Variants in CACNA1S observed in about 807,000 individuals in gnomAD.
CACNA1S encodes the protein calcium voltage-gated channel subunit alpha1 S.
CACNA1S carries 126 observed loss-of-function variants against 207.4 expected under a neutral mutation model. The observed-to-expected ratio is 0.61, with a 90% CI of 0.53 to 0.70. The LOEUF (loss-of-function observed/expected upper bound fraction) is 0.70. Ranked by LOEUF, CACNA1S falls within the 30% of genes least tolerant of loss-of-function variation. The pLI is 0.00. For synonymous variants in CACNA1S, 960 were observed against 932.7 expected (o/e 1.03, Z -0.53); for missense variants, 2,349 against 2,422.8 (o/e 0.97, Z 0.64).
At position 201,060,684 on chromosome 1, in the gene CACNA1S, G is replaced by A. The variant is rs1294399975; in HGVS notation, c.3388C>T (p.Leu1130Phe). 6.2e-7 allele frequency: 1 copy of A among 1,614,122 alleles called. No homozygotes were observed. The highest frequency in any genetic ancestry group is 8.5e-7 in the Non-Finnish European group (1 of 1,180,056). The part of the protein sequence containing the change: ...FEYLMFALIM[L>F]NTICLGMQHY... ...TGCATGCCGAGGCAGATGGTGTTGAGCATGATGAGGGCAAACATCAGGTAT... is the reference window on the plus strand; with the variant it reads ...TGCATGCCGAGGCAGATGGTGTTGAACATGATGAGGGCAAACATCAGGTAT... Residue 1130 changes from leucine (L) to phenylalanine (F), a missense_variant, in exon 26 of 44, where the codon CTC becomes TTC. Transcript: ENST00000362061.
In CACNA1S at chr1:201,085,442, T is replaced by C; in HGVS notation, c.1144A>G (p.Arg382Gly). The C allele has an allele frequency of 6.2e-7, 1 of 1,613,542 alleles. No homozygotes were observed. The change falls in exon 8 of 44, where the codon AGA (arginine) becomes GGA (glycine). Residue 382 changes from arginine (R) to glycine (G), a missense_variant. Coordinates refer to ENST00000362061, the MANE Select transcript of CACNA1S (RefSeq NM_000069.3). ...ACAGCCTTTGGGCCCAAACCTTCTCTGAAGTCCTCAACATCCATGACCTCG... is the reference window on the plus strand; with the variant it reads ...ACAGCCTTTGGGCCCAAACCTTCTCCGAAGTCCTCAACATCCATGACCTCG... The part of the protein sequence containing the change: ...QGEVMDVEDF[R>G]EGKLSLDEGG...
chr1:201,094,008 T>C lies in CACNA1S; in HGVS notation c.272A>G (p.Tyr91Cys). 6.2e-7 allele frequency: 1 copy of C among 1,614,132 alleles called. No individual in the cohort carries two copies. The highest frequency in any genetic ancestry group is 8.5e-7 in the Non-Finnish European group (1 of 1,180,008). ...AATCGAGAAGACAATGAGGAAGAAATACTCCAGCTTCTCCTGTGGGAGCAA... is the reference window on the plus strand; with the variant it reads ...AATCGAGAAGACAATGAGGAAGAAACACTCCAGCTTCTCCTGTGGGAGCAA... ...SLNLGLEKLE[Y>C]FFLIVFSIEA... Residue 91 changes from tyrosine to cysteine, a missense_variant, in exon 3 of 44, where the codon TAT becomes TGT. Physicochemically the swap from Tyr to Cys is radical, Grantham distance 194. Coordinates refer to ENST00000362061, the MANE Select transcript of CACNA1S (RefSeq NM_000069.3).
chr1:201,074,413 G>T, intron 14 of CACNA1S, 93 bp downstream of exon 14: 1 of 789,018 alleles, frequency 1.3e-6, no homozygotes. Context: ...CAGGGACCCT[G>T]ATCATTGGGT....
In CACNA1S at chr1:201,043,393, C is replaced by T; in HGVS notation, c.4936G>A (p.Asp1646Asn). The T allele has an allele frequency of 6.2e-7, 1 of 1,614,110 alleles. No homozygotes were observed. The highest frequency in any genetic ancestry group is 8.5e-7 in the Non-Finnish European group (1 of 1,180,036). The part of the protein sequence containing the change: ...EEMESPVFLE[D>N]FPQDPRTNPL... ...TTGGTGCGTGGATCTTGTGGGAAGT[C>T]CTCCAAGAAGACAGGTGACTCCATC... Residue 1646 changes from aspartate (D) to asparagine (N), a missense_variant, in exon 40 of 44, where the codon GAC becomes AAC. Transcript: ENST00000362061.
intron 5 of CACNA1S, 52 bp from the exon 6 acceptor site, chr1:201,089,515 G>A (rs377052421): frequency 3.8e-4 from 587 of 1,558,532 alleles, no homozygotes; most frequent in Non-Finnish European, 4.4e-4. Flanking sequence ...GGTGGACAAC[G>A]ACAGGAGGAA....
In CACNA1S at chr1:201,072,534, T is replaced by C. The variant is rs16847659; in HGVS notation, c.2227+221A>G. Among the ~76,000 whole-genome samples, 9,954 of 152,218 alleles carry C rather than the reference T, an allele frequency of 0.065. 1,008 individuals are homozygous for C. Among genetic ancestry groups the C allele is most frequent in the African/African-American group, 0.22 (9,212 of 41,484 alleles). ...CTCAATAAATACTTGCTGAGTTACA[T>C]GAAAGTAAAATGTATGGGTTTTTCT... is the stretch of plus-strand genomic sequence containing the variant. On this transcript the variant is annotated intron_variant, in intron 16 of 43. Coordinates refer to ENST00000362061, the MANE Select transcript of CACNA1S (RefSeq NM_000069.3).
At chr1:201,055,772 C>T (rs1046709697) in intron 28 of CACNA1S, among the ~76,000 whole-genome samples, 11 of 152,194 alleles carry the variant, frequency 7.2e-5, no homozygotes, top group South Asian at 2.1e-4. Flanking sequence ...TAAGCAAACA[C>T]TACTGGTAAG....
At chr1:201,049,128 C>A (rs1352223170) in intron 34 of CACNA1S, 29 bp from the exon 35 acceptor site, 9 of 1,500,732 alleles carry the variant, frequency 6.0e-6, no homozygotes, top group East Asian at 2.3e-5. Context: ...ACTTGTGTAC[C>A]TGCTACCCTC....
rs74548790 is a variant in CACNA1S, at chr1:201,106,077, C to A, written c.258+4087G>T. Among the ~76,000 whole-genome samples the A allele has an allele frequency of 6.4e-3, 977 of 152,252 alleles. 11 individuals carry two copies. Among genetic ancestry groups the A allele is most frequent in the African/African-American group, 0.018 (739 of 41,534 alleles). On this transcript the variant is annotated intron_variant, in intron 2 of 43. Coordinates refer to ENST00000362061, the MANE Select transcript of CACNA1S (RefSeq NM_000069.3). ...AACTCACCACCTTCCTCCTCCCTAC[C>A]CCCATCTGCAGTCTTGGTAAGTGAT...
rs376299130 is a variant in CACNA1S, at chr1:201,065,832, G to A, written c.2853+6C>T. 58 of 1,607,164 alleles carry A rather than the reference G, an allele frequency of 3.6e-5. No homozygotes were observed. Among genetic ancestry groups the A allele is most frequent in the Non-Finnish European group, 4.6e-5 (54 of 1,173,772 alleles). On this transcript the variant is annotated splice_donor_region_variant and intron_variant, in intron 22 of 43. Coordinates refer to ENST00000362061, the MANE Select transcript of CACNA1S (RefSeq NM_000069.3). ...GGGGGAGCTGCTCGCGCAGGCTGGG[G>A]CTCACCTTGAAGAGCTGGACGCCGA...
chr1:201,089,610 C>A, intron 5 of CACNA1S, 147 bp from the exon 6 acceptor site: 2 of 780,130 alleles, frequency 2.6e-6, no homozygotes, highest in Non-Finnish European at 2.2e-6. Flanking sequence ...TCACATGGAG[C>A]AGACGGTGAC....
At chr1:201,069,315 C>A in intron 18 of CACNA1S, 119 bp from the exon 19 acceptor site, 2 of 1,419,170 alleles carry the variant, frequency 1.4e-6, no homozygotes, top group South Asian at 2.4e-5. Context: ...CTGTGCCGTT[C>A]AGAAGGAGTG....
chr1:201,066,803 A>C lies in CACNA1S; in HGVS notation c.2657+84T>G. The stretch of plus-strand genomic sequence containing the variant: ...CCTCCTCTTGTGGCAGGGGCCCACC[A>C]ACATGGGTGGGACTCCCACTACAAA... On this transcript the variant is annotated intron_variant, in intron 20 of 43. Transcript: ENST00000362061. This position sits in a 1 kb window ranked among gnomAD's most constrained non-coding sequence, Gnocchi z 4.3. The C allele has an allele frequency of 2.0e-6, 2 of 1,014,842 alleles. No homozygotes were observed. Among genetic ancestry groups the C allele is most frequent in the South Asian group, 1.4e-5 (1 of 73,924 alleles). 62.9% of individuals were successfully genotyped at this position (1,014,842 alleles called of 1,614,324 possible). A position where few individuals can be genotyped will look rare whatever the true frequency, so the allele number is the denominator to read the frequency against.
chr1:201,056,857 C>T (rs950783576), intron 28 of CACNA1S, among the ~76,000 whole-genome samples: 2 of 152,168 alleles, frequency 1.3e-5, no homozygotes, highest in Non-Finnish European at 2.9e-5. Context: ...ACCTCCAAAC[C>T]CTCATCCCCT....
chr1:201,075,745 T>G, intron 12 of CACNA1S, 130 bp from the exon 13 acceptor site: 1 of 1,061,628 alleles, frequency 9.4e-7, no homozygotes, highest in Non-Finnish European at 1.4e-6. Flanking sequence ...CATTCCACAG[T>G]CTGGGTGGCC....
At chr1:201,109,512 T>C (rs1374066166) in intron 2 of CACNA1S, among the ~76,000 whole-genome samples, 1 of 152,210 alleles carries the variant, frequency 6.6e-6, no homozygotes, top group Non-Finnish European at 1.5e-5. Flanking sequence ...TAATTAGCTA[T>C]TGAGTAAGTA....
At position 201,047,250 on chromosome 1, in the gene CACNA1S, G is replaced by A. The variant is rs751759184; in HGVS notation, c.4544-11C>T. The A allele has an allele frequency of 4.3e-6, 7 of 1,614,106 alleles. No individual in the cohort carries two copies. Among genetic ancestry groups the A allele is most frequent in the South Asian group, 2.2e-5 (2 of 91,090 alleles). On this transcript the variant is annotated splice_polypyrimidine_tract_variant and intron_variant, in intron 37 of 43. Transcript: ENST00000362061. Reference sequence around the variant, plus strand: ...CTGTCACCTCATCATCTGCAGAGGAGCCAACAAGAGATGCCCTGAAGGCTA... The same window carrying A: ...CTGTCACCTCATCATCTGCAGAGGAACCAACAAGAGATGCCCTGAAGGCTA...
chr1:201,056,028 A>C (rs1260707157), intron 28 of CACNA1S, among the ~76,000 whole-genome samples: 2 of 151,712 alleles, frequency 1.3e-5, no homozygotes, highest in African/African-American at 4.9e-5. Context: ...CTGAGTGTGG[A>C]TGGAAATACA....
chr1:201,093,896 G>T lies in CACNA1S; in HGVS notation c.384C>A (p.Thr128=). ...CCAGCTCTCACCCCAGGAAGACAAT[G>T]GTGAAGTCCAGCACATTCCAGCCAC... ...LRSGWNVLDF[T]IVFLGVFTVI... Residue 128 remains threonine (T), a synonymous_variant, in exon 3 of 44, where the codon ACC becomes ACA. Transcript: ENST00000362061. 6.2e-7 allele frequency: 1 copy of T among 1,614,126 alleles called. No individual in the cohort carries two copies. The highest frequency in any genetic ancestry group is 1.7e-5 in the Admixed American group (1 of 60,022).
Sources: allele counts gnomAD v4.1 joint callset (sites outside exome capture counted in the v4.1 genomes callset), GRCh38; gene constraint gnomAD v4.1.1; non-coding constraint Gnocchi (gnomAD v3.1); transcripts MANE v1.5; gene names NCBI Gene and HGNC (gene_info 2026-07-23, HGNC 2026-07-21).